The following PPP4R4 variants were observed in gnomAD, a reference collection of about 807,000 sequenced individuals.
PPP4R4 encodes protein phosphatase 4 regulatory subunit 4.
Under a neutral mutation model 121.8 loss-of-function variants are expected in PPP4R4, and 70 were observed. The observed-to-expected ratio is 0.57, with a 90% CI of 0.47 to 0.70. The LOEUF is 0.70. Ranked by LOEUF, PPP4R4 falls within the 30% of genes least tolerant of loss-of-function variation. The pLI is 0.00. For missense variants in PPP4R4, 875 were observed against 1,033.6 expected, an observed-to-expected ratio of 0.85 and a Z score of 2.10; for synonymous variants, 348 against 355.7, an observed-to-expected ratio of 0.98 and a Z score of 0.24.
intron 3 of PPP4R4, among the ~76,000 whole-genome samples, chr14:94,225,447 T>C (rs1298503870): frequency 7.0e-6 from 1 of 143,452 alleles, no homozygotes; most frequent in African/African-American, 2.6e-5. Flanking sequence ...TAAGCCCCTC[T>C]GCAGTAGGAA....
Position 94,215,407 on chromosome 14 carries a change from C to T in PPP4R4, c.294+6841C>T, listed in dbSNP as rs548552630. Among the ~76,000 whole-genome samples, 48 of 152,192 alleles carry T rather than the reference C, an allele frequency of 3.2e-4. 1 individual carries two copies. The East Asian group carries it at 4.6e-3, about 15-fold the overall frequency. On this transcript the variant is annotated intron_variant, in intron 3 of 24. Transcript: ENST00000304338. ...CTTCTTTGGTTTGCAGCTAAGAAAA[C>T]AGGGATCTGTCTTCCTCACTGAAGA...
intron 3 of PPP4R4, among the ~76,000 whole-genome samples, chr14:94,214,730 A>C (rs970950226): frequency 6.6e-6 from 1 of 152,196 alleles, no homozygotes; most frequent in Non-Finnish European, 1.5e-5. Context: ...AGCATAGTTA[A>C]GTGAACAAAC....
At chr14:94,230,233 G>T (rs1472634595) in intron 3 of PPP4R4, among the ~76,000 whole-genome samples, 2 of 152,040 alleles carry the variant, frequency 1.3e-5, no homozygotes, top group African/African-American at 4.8e-5. Context: ...CATTGTTCTA[G>T]GTAGGATGAC....
intron 17 of PPP4R4, among the ~76,000 whole-genome samples, chr14:94,257,781 C>T (rs1306951631): frequency 6.6e-6 from 1 of 151,938 alleles, no homozygotes; most frequent in African/African-American, 2.4e-5. Context: ...TGGTTAATTA[C>T]TTTTCCAGAA....
At chr14:94,239,530 C>T (rs994181809) in intron 8 of PPP4R4, among the ~76,000 whole-genome samples, 3 of 151,934 alleles carry the variant, frequency 2.0e-5, no homozygotes, top group African/African-American at 7.3e-5. Flanking sequence ...CAGTTTCCTC[C>T]CTGACATCTT....
intron 7 of PPP4R4, among the ~76,000 whole-genome samples, chr14:94,236,128 G>A (rs1892334346): frequency 6.6e-6 from 1 of 152,154 alleles, no homozygotes; most frequent in African/African-American, 2.4e-5. Flanking sequence ...TTGCTAAATA[G>A]TATTTAAGTG....
intron 2 of PPP4R4, among the ~76,000 whole-genome samples, chr14:94,182,156 C>T (rs1889028259): frequency 6.6e-6 from 1 of 152,166 alleles, no homozygotes; most frequent in Non-Finnish European, 1.5e-5. Context: ...TCCTGTCTCT[C>T]TGTTGTATTT....
intron 23 of PPP4R4, among the ~76,000 whole-genome samples, chr14:94,271,228 A>G (rs1162768191): frequency 2.0e-5 from 3 of 152,200 alleles, no homozygotes; most frequent in African/African-American, 7.2e-5. Flanking sequence ...AATAATACAT[A>G]CCAACATCTC....
intron 17 of PPP4R4, among the ~76,000 whole-genome samples, chr14:94,256,938 T>G (rs1249896039): frequency 6.6e-6 from 1 of 152,124 alleles, no homozygotes; most frequent in Non-Finnish European, 1.5e-5. Context: ...CAGTGAAACT[T>G]TGTTGGTAAA....
chr14:94,220,669 A>G (rs9989197), intron 3 of PPP4R4, among the ~76,000 whole-genome samples: 1,973 of 152,312 alleles, frequency 0.013, 41 homozygotes, highest in African/African-American at 0.045. Flanking sequence ...ACTTAGAGAT[A>G]AATCTGGTAA....
At chr14:94,248,805 G>A (rs558253766) in intron 14 of PPP4R4, among the ~76,000 whole-genome samples, 12 of 152,218 alleles carry the variant, frequency 7.9e-5, no homozygotes, top group South Asian at 6.2e-4. Flanking sequence ...CTTGAGCTAC[G>A]TTTACTAATG....
chr14:94,215,681 C>G (rs1815588499), intron 3 of PPP4R4, among the ~76,000 whole-genome samples: 1 of 152,056 alleles, frequency 6.6e-6, no homozygotes, highest in Non-Finnish European at 1.5e-5. Context: ...GTTTATTTCA[C>G]TCAGAAAATA....
chr14:94,277,110 C>T (rs1357272458), intron 24 of PPP4R4, among the ~76,000 whole-genome samples: 2 of 152,070 alleles, frequency 1.3e-5, no homozygotes, highest in Non-Finnish European at 2.9e-5. Flanking sequence ...ACCAGCCTGG[C>T]CAACATGGTG....
intron 3 of PPP4R4, among the ~76,000 whole-genome samples, chr14:94,225,097 G>T (rs563995426): frequency 6.6e-6 from 1 of 151,900 alleles, no homozygotes; most frequent in East Asian, 1.9e-4. Context: ...GAAATGTTGG[G>T]GTTAATCTCA....
intron 2 of PPP4R4, among the ~76,000 whole-genome samples, chr14:94,189,942 A>G (rs1370315943): frequency 6.6e-6 from 1 of 152,166 alleles, no homozygotes; most frequent in African/African-American, 2.4e-5. Flanking sequence ...GAATGATTGA[A>G]CATGTCACTT....
At chr14:94,226,975 A>G (rs953263151) in intron 3 of PPP4R4, among the ~76,000 whole-genome samples, 16 of 152,192 alleles carry the variant, frequency 1.1e-4, no homozygotes, top group African/African-American at 3.9e-4. Flanking sequence ...GATATAATAC[A>G]GGCTTGTTGG....
intron 2 of PPP4R4, among the ~76,000 whole-genome samples, chr14:94,194,041 G>T (rs1889737134): frequency 6.6e-6 from 1 of 152,118 alleles, no homozygotes; most frequent in Non-Finnish European, 1.5e-5. Flanking sequence ...AAAACTTATT[G>T]TATCTAAGAA....
chr14:94,216,325 C>T (rs758045535), intron 3 of PPP4R4, among the ~76,000 whole-genome samples: 1 of 152,232 alleles, frequency 6.6e-6, no homozygotes, highest in Non-Finnish European at 1.5e-5. Context: ...TAACAAACCC[C>T]TCTTAGGATA....
intron 3 of PPP4R4, among the ~76,000 whole-genome samples, chr14:94,224,845 AG>A (rs1337828404): frequency 6.6e-6 from 1 of 152,212 alleles, no homozygotes; most frequent in Non-Finnish European, 1.5e-5. Flanking sequence ...GAAGACCAAA[AG>A]TGGAGAACTG....
Sources: gnomAD v4.1 joint callset for allele counts (sites outside exome capture counted in the v4.1 genomes callset) on GRCh38, gnomAD v4.1.1 for gene constraint, MANE v1.5 for transcripts, NCBI Gene and HGNC (gene_info 2026-07-23, HGNC 2026-07-21) for gene names.